VRK1: variants seen among roughly 807,000 people sequenced by gnomAD.
The protein encoded by VRK1 is VRK serine/threonine kinase 1.
In VRK1, 33 loss-of-function variants were observed where a neutral mutation model predicts 57.1. That is an observed-to-expected ratio of 0.58 (90% CI 0.44 to 0.77). The LOEUF (loss-of-function observed/expected upper bound fraction) is 0.77. Among genes scored for constraint, VRK1 ranks in the 30% least tolerant of loss-of-function variants. VRK1 has a pLI of 0.00. For missense variants in VRK1, 413 were observed against 477.3 expected, an observed-to-expected ratio of 0.87 and a Z score of 1.25; for synonymous variants, 137 against 147.8, an observed-to-expected ratio of 0.93 and a Z score of 0.53.
chr14:96,868,038 T>TAA (rs780830349), intron 11 of VRK1, among the ~76,000 whole-genome samples: 40 of 152,374 alleles, frequency 2.6e-4, no homozygotes, highest in Non-Finnish European at 4.7e-4. Context: ...TTGACTTATT[T>TAA]TAATAGTGTA....
At chr14:96,800,691 A>G (rs900317552) in intron 1 of VRK1, among the ~76,000 whole-genome samples, 8 of 151,978 alleles carry the variant, frequency 5.3e-5, no homozygotes, top group Admixed American at 2.0e-4. Flanking sequence ...CTATCTCTCT[A>G]TGGGTTTCTT....
intron 1 of VRK1, among the ~76,000 whole-genome samples, chr14:96,810,816 A>G (rs1886162042): frequency 6.6e-6 from 1 of 152,216 alleles, no homozygotes; most frequent in Non-Finnish European, 1.5e-5. Flanking sequence ...TAAAATATTC[A>G]TAACATCTCC....
chr14:96,798,336 A>G (rs2139670988), intron 1 of VRK1, among the ~76,000 whole-genome samples: 1 of 152,304 alleles, frequency 6.6e-6, no homozygotes, highest in African/African-American at 2.4e-5. Flanking sequence ...GTAGAATTAA[A>G]TTCGACAGAC....
chr14:96,836,909 C>T (rs1429247632), intron 2 of VRK1, among the ~76,000 whole-genome samples: 1 of 152,056 alleles, frequency 6.6e-6, no homozygotes, highest in East Asian at 1.9e-4. Context: ...CCTGCTCTCA[C>T]TGCTCAAGTA....
At chr14:96,876,776 CAA>C (rs5810784) in intron 12 of VRK1, among the ~76,000 whole-genome samples, 144 of 126,664 alleles carry the variant, frequency 1.1e-3, no homozygotes, top group African/African-American at 1.4e-3. Flanking sequence ...GTTCTTGAAG[CAA>C]AAAAAAAAAA....
chr14:96,872,003 G>T (rs368704516), intron 11 of VRK1, among the ~76,000 whole-genome samples: 4 of 151,804 alleles, frequency 2.6e-5, no homozygotes, highest in African/African-American at 2.4e-5. Context: ...ACGGGGTTTC[G>T]CCATGTGGCC....
At position 96,868,190 on chromosome 14, in the gene VRK1, C is replaced by G. The variant is rs186370452; in HGVS notation, c.1068+7455C>G. Reference sequence around the variant, plus strand: ...TTTTAGGTGCCAGGACTCACTGCTTCTCCAGTTTCTTTTTCTGGTCCATTA... The same window carrying G: ...TTTTAGGTGCCAGGACTCACTGCTTGTCCAGTTTCTTTTTCTGGTCCATTA... On this transcript the variant is annotated intron_variant, in intron 11 of 12. Coordinates refer to ENST00000216639, the MANE Select transcript of VRK1 (RefSeq NM_003384.3). 1.1e-4 allele frequency among the ~76,000 whole-genome samples: 17 copies of G among 152,262 alleles called. No individual in the cohort carries two copies. In the East Asian group the frequency reaches 2.1e-3, roughly 19 times the overall value.
In VRK1 at chr14:96,855,412, C is replaced by T. The variant is rs923116948; in HGVS notation, c.709+56C>T. On this transcript the variant is annotated intron_variant, in intron 8 of 12. Coordinates refer to ENST00000216639, the MANE Select transcript of VRK1 (RefSeq NM_003384.3). Reference sequence around the variant, plus strand: ...ACTGCTAATGTTTTCACCCAGATTCCTACATAGTTCTTAATTATGCATAAG... The same window carrying T: ...ACTGCTAATGTTTTCACCCAGATTCTTACATAGTTCTTAATTATGCATAAG... 1.6e-5 allele frequency: 25 copies of T among 1,612,170 alleles called. No homozygotes were observed. In the African/African-American group the frequency reaches 2.9e-4, roughly 19 times the overall value.
intron 11 of VRK1, among the ~76,000 whole-genome samples, chr14:96,865,761 G>GT (rs199593950): frequency 0.013 from 1,962 of 147,782 alleles, 42 homozygotes; most frequent in South Asian, 0.064. Context: ...TAATTCTTCT[G>GT]TTTTTTTTTT....
At chr14:96,816,041 A>G (rs544114814) in intron 1 of VRK1, among the ~76,000 whole-genome samples, 2 of 152,286 alleles carry the variant, frequency 1.3e-5, no homozygotes, top group South Asian at 2.1e-4. Context: ...AGGAAAATGT[A>G]CAGAAGGAAC....
intron 1 of VRK1, among the ~76,000 whole-genome samples, chr14:96,812,696 G>A (rs940081516): frequency 2.6e-5 from 4 of 151,956 alleles, no homozygotes; most frequent in South Asian, 2.1e-4. Context: ...GAGACTGTTC[G>A]TTCTGTATTA....
intron 11 of VRK1, among the ~76,000 whole-genome samples, chr14:96,873,772 G>A (rs1186969954): frequency 1.3e-5 from 2 of 152,184 alleles, no homozygotes; most frequent in East Asian, 3.8e-4. Flanking sequence ...ACATACTTAG[G>A]TACTACTAAA....
chr14:96,801,677 A>G (rs1885668084), intron 1 of VRK1, among the ~76,000 whole-genome samples: 1 of 152,244 alleles, frequency 6.6e-6, no homozygotes, highest in East Asian at 1.9e-4. Flanking sequence ...CCCTACCAAT[A>G]GCATAAACAA....
intron 10 of VRK1, chr14:96,859,152 T>C (rs957565035): frequency 1.3e-5 from 2 of 152,228 alleles, no homozygotes; most frequent in Non-Finnish European, 2.9e-5. Flanking sequence ...ATTTTAGGTA[T>C]TTTTTGATAG....
chr14:96,834,304 C>G (rs1427777297), intron 2 of VRK1, among the ~76,000 whole-genome samples: 1 of 151,716 alleles, frequency 6.6e-6, no homozygotes, highest in Non-Finnish European at 1.5e-5. Context: ...TACTTCCAAT[C>G]TCAGATTAAT....
chr14:96,881,028 C>G lies in VRK1; in HGVS notation c.1160-149C>G. The G allele has an allele frequency of 1.3e-5, 9 of 684,790 alleles. No homozygotes were observed. The South Asian group carries it at 2.0e-4, about 16-fold the overall frequency. 42.4% of individuals were successfully genotyped at this position (684,790 alleles called of 1,614,324 possible). Reference sequence around the variant, plus strand: ...ATTTTCAGAGTATTAGCAATCATACCTTTGTATGTCAGTTTTATCTTTGCA... The same window carrying G: ...ATTTTCAGAGTATTAGCAATCATACGTTTGTATGTCAGTTTTATCTTTGCA... On this transcript the variant is annotated intron_variant, in intron 12 of 12. Coordinates refer to ENST00000216639, the MANE Select transcript of VRK1 (RefSeq NM_003384.3).
At chr14:96,808,515 T>C (rs915525414) in intron 1 of VRK1, among the ~76,000 whole-genome samples, 3 of 152,200 alleles carry the variant, frequency 2.0e-5, no homozygotes, top group African/African-American at 4.8e-5. Context: ...ATACTCATTT[T>C]CTAGCCCTCA....
At chr14:96,817,325 G>T (rs1337131776) in intron 1 of VRK1, among the ~76,000 whole-genome samples, 2 of 151,822 alleles carry the variant, frequency 1.3e-5, no homozygotes, top group Non-Finnish European at 2.9e-5. Flanking sequence ...TTAGTCATAT[G>T]TTTTGCAGGT....
intron 11 of VRK1, among the ~76,000 whole-genome samples, chr14:96,866,714 C>T (rs1431035193): frequency 6.6e-6 from 1 of 152,130 alleles, no homozygotes; most frequent in East Asian, 1.9e-4. Flanking sequence ...GACTGGGGGC[C>T]ACTGGTGAAA....
Sources: allele counts gnomAD v4.1 joint callset (sites outside exome capture counted in the v4.1 genomes callset), GRCh38; gene constraint gnomAD v4.1.1; transcripts MANE v1.5; gene names NCBI Gene and HGNC (gene_info 2026-07-23, HGNC 2026-07-21).